The following CACNA2D1 variants were observed in gnomAD, a reference collection of about 807,000 sequenced individuals.
CACNA2D1 encodes the protein calcium voltage-gated channel auxiliary subunit alpha2delta 1.
CACNA2D1 carries 53 observed loss-of-function variants against 171.5 expected under a neutral mutation model. The ratio of observed to expected loss-of-function variants is 0.31; its 90% CI spans 0.25 to 0.39. The LOEUF (loss-of-function observed/expected upper bound fraction) is 0.39. CACNA2D1 is among the 10% of genes least tolerant of loss of function. CACNA2D1 has a pLI of 1.00. For missense variants in CACNA2D1, 903 were observed against 1,299.8 expected (o/e 0.69, Z 4.69); for synonymous variants, 442 against 443.1 (o/e 1.00, Z 0.03).
intron 21 of CACNA2D1, among the ~76,000 whole-genome samples, chr7:81,989,999 T>G (rs1000374663): frequency 3.3e-5 from 5 of 152,160 alleles, no homozygotes; most frequent in African/African-American, 1.2e-4. Flanking sequence ...AAAATTCTCA[T>G]GTAAAGACTA....
chr7:81,963,346 G>C (rs143134568), intron 34 of CACNA2D1, among the ~76,000 whole-genome samples: 153 of 151,892 alleles, frequency 1.0e-3, no homozygotes, highest in African/African-American at 3.5e-3. Flanking sequence ...ACAATACAGT[G>C]TGATGATACA....
chr7:82,053,251 CAAA>C (rs4019049), intron 10 of CACNA2D1, among the ~76,000 whole-genome samples: 1 of 115,804 alleles, frequency 8.6e-6, no homozygotes, highest in Admixed American at 9.4e-5. Flanking sequence ...GACTCCGTCT[CAAA>C]AAAAAAAAAA....
intron 3 of CACNA2D1, among the ~76,000 whole-genome samples, chr7:82,201,664 C>G (rs1430469993): frequency 1.3e-5 from 2 of 152,172 alleles, no homozygotes; most frequent in African/African-American, 2.4e-5. Flanking sequence ...AGAGGCTCCT[C>G]AGAGGTTTTG....
intron 12 of CACNA2D1, among the ~76,000 whole-genome samples, chr7:82,031,578 T>C (rs1802706608): frequency 6.6e-6 from 1 of 151,968 alleles, no homozygotes; most frequent in Admixed American, 6.6e-5. Context: ...GTACATGCAG[T>C]AAGCAGAGTT....
rs66474649 is a variant in CACNA2D1 at position 82,066,541 on chromosome 7, AAGAG to A, written c.659-21_659-18del. ...ATGGTGAAGCTAAAAAAAAAAAAAA[AAGAG>A]AGATATTAAATCAAAATATTAGATA... is the stretch of plus-strand genomic sequence containing the variant. On this transcript the variant is annotated intron_variant, in intron 7 of 38. Coordinates refer to ENST00000356860, the MANE Select transcript of CACNA2D1 (RefSeq NM_000722.4). 1.2e-5 allele frequency: 18 copies of A among 1,563,822 alleles called. No individual in the cohort carries two copies. Among genetic ancestry groups the A allele is most frequent in the East Asian group, 6.8e-5 (3 of 44,150 alleles).
chr7:82,374,789 C>A (rs199811560), intron 1 of CACNA2D1, among the ~76,000 whole-genome samples: 308 of 23,012 alleles, frequency 0.013, no homozygotes, highest in African/African-American at 0.026. Flanking sequence ...AAAATGCCCC[C>A]CAAAAAAAGA....
chr7:82,034,845 TAAC>T (rs1301441858), intron 11 of CACNA2D1, among the ~76,000 whole-genome samples: 2 of 152,042 alleles, frequency 1.3e-5, no homozygotes, highest in Non-Finnish European at 2.9e-5. Context: ...AATAAAATTA[TAAC>T]AACATTTCCC....
intron 6 of CACNA2D1, among the ~76,000 whole-genome samples, chr7:82,109,708 T>C (rs940410986): frequency 1.8e-4 from 27 of 152,196 alleles, no homozygotes; most frequent in Admixed American, 7.2e-4. Context: ...AGAAAAATTG[T>C]TCTGTTTTAT....
intron 3 of CACNA2D1, among the ~76,000 whole-genome samples, chr7:82,250,503 G>A (rs1049392058): frequency 4.6e-5 from 7 of 152,026 alleles, no homozygotes; most frequent in African/African-American, 1.7e-4. Flanking sequence ...GGTACATACA[G>A]GCAATTCTTA....
intron 3 of CACNA2D1, among the ~76,000 whole-genome samples, chr7:82,223,478 CTT>C (rs1189676827): frequency 6.6e-6 from 1 of 152,128 alleles, no homozygotes; most frequent in Non-Finnish European, 1.5e-5. Flanking sequence ...TTTCTTTTCT[CTT>C]TTACTTTTGG....
intron 2 of CACNA2D1, among the ~76,000 whole-genome samples, chr7:82,341,432 C>A (rs1818615858): frequency 6.6e-6 from 1 of 152,054 alleles, no homozygotes; most frequent in South Asian, 2.1e-4. Context: ...CAAACAAAAC[C>A]TCCTTTTCCC....
At chr7:82,345,989 G>C (rs73152930) in intron 2 of CACNA2D1, among the ~76,000 whole-genome samples, 19,808 of 152,094 alleles carry the variant, frequency 0.13, 1,917 homozygotes, top group African/African-American at 0.27. Context: ...TCAGAAAAAG[G>C]CTCCACTTCT....
intron 5 of CACNA2D1, among the ~76,000 whole-genome samples, chr7:82,129,933 G>A (rs1258133288): frequency 6.6e-6 from 1 of 152,080 alleles, no homozygotes; most frequent in African/African-American, 2.4e-5. Context: ...TTTCTTCAAG[G>A]TATGTATTTC....
intron 12 of CACNA2D1, among the ~76,000 whole-genome samples, chr7:82,020,403 T>G (rs1683899086): frequency 6.6e-6 from 1 of 152,182 alleles, no homozygotes; most frequent in African/African-American, 2.4e-5. Context: ...GATTTTGCTT[T>G]TCTTATTTCC....
intron 3 of CACNA2D1, among the ~76,000 whole-genome samples, chr7:82,174,910 T>C (rs1796406523): frequency 6.6e-6 from 1 of 152,060 alleles, no homozygotes; most frequent in Admixed American, 6.6e-5. Context: ...TGAAAGTCTA[T>C]TCATTCTCAA....
chr7:82,013,221 T>C (rs1800014995), intron 14 of CACNA2D1, among the ~76,000 whole-genome samples: 1 of 151,986 alleles, frequency 6.6e-6, no homozygotes, highest in Non-Finnish European at 1.5e-5. Context: ...CTATGATGTT[T>C]GTAACATCTG....
intron 6 of CACNA2D1, among the ~76,000 whole-genome samples, chr7:82,113,397 G>C (rs1189203566): frequency 6.6e-6 from 1 of 152,090 alleles, no homozygotes; most frequent in Non-Finnish European, 1.5e-5. Context: ...AGATAAATTA[G>C]ATCTGAAAAT....
chr7:82,054,947 GC>G (rs1157794255), intron 10 of CACNA2D1, among the ~76,000 whole-genome samples: 1 of 152,136 alleles, frequency 6.6e-6, no homozygotes, highest in Non-Finnish European at 1.5e-5. Flanking sequence ...GAAAATGATA[GC>G]CTTATGTCAG....
Position 82,130,838 on chromosome 7 carries a change from C to A in CACNA2D1, c.396+5797G>T, listed in dbSNP as rs1790886205. Among the ~76,000 whole-genome samples the A allele has an allele frequency of 2.1e-5, 3 of 144,116 alleles. No homozygotes were observed. In the South Asian group the frequency reaches 6.6e-4, roughly 32 times the overall value. The allele number at this position is 144,116 out of a possible 152,430, so 94.5% of individuals were successfully genotyped here. On this transcript the variant is annotated intron_variant, in intron 5 of 38. Coordinates refer to ENST00000356860, the MANE Select transcript of CACNA2D1 (RefSeq NM_000722.4). ...TTGAGACAGAGTCTCGCTCTGTTGC[C>A]CAGGCTGGAGTGCAGTGGCACAATC...
Sources: gnomAD v4.1 joint callset for allele counts (sites outside exome capture counted in the v4.1 genomes callset) on GRCh38, gnomAD v4.1.1 for gene constraint, MANE v1.5 for transcripts, NCBI Gene and HGNC (gene_info 2026-07-23, HGNC 2026-07-21) for gene names.